Variants in TLE3 observed in about 807,000 individuals in gnomAD.
The protein encoded by TLE3 is TLE family member 3, transcriptional corepressor.
Under a neutral mutation model 93.0 loss-of-function variants are expected in TLE3, and 14 were observed. The observed-to-expected ratio is 0.15, with a 90% CI of 0.10 to 0.24. TLE3 has a LOEUF of 0.24. Among genes scored for constraint, TLE3 ranks in the 10% least tolerant of loss-of-function variants. The pLI, the probability that TLE3 is intolerant of heterozygous loss-of-function variation, is 1.00. For missense variants in TLE3, 693 were observed against 1,046.6 expected (o/e 0.66, Z 4.66); for synonymous variants, 451 against 425.0 (o/e 1.06, Z -0.75).
intron 4 of TLE3, among the ~76,000 whole-genome samples, chr15:70,088,291 A>C (rs1717482156): frequency 6.6e-6 from 1 of 152,242 alleles, no homozygotes; most frequent in Non-Finnish European, 1.5e-5. Flanking sequence ...CTGCCTGCAA[A>C]GGACGATGCT....
At position 70,074,625 on chromosome 15, in the gene TLE3, T is replaced by C. The variant is rs1268653568; in HGVS notation, c.298-18A>G. The C allele has an allele frequency of 1.3e-6, 2 of 1,597,796 alleles. No homozygotes were observed. Among genetic ancestry groups the C allele is most frequent in the African/African-American group, 1.3e-5 (1 of 74,760 alleles). The stretch of plus-strand genomic sequence containing the variant: ...TGCTGGTGCTGGAGGGAAGAGGGTG[T>C]GCGTTAGATGCAGCCACTTTCCTGG... On this transcript the variant is annotated intron_variant, in intron 5 of 19. Transcript: ENST00000451782.
At chr15:70,072,415 AGGGGATG>A (rs2057233045) in intron 6 of TLE3, among the ~76,000 whole-genome samples, 1 of 152,162 alleles carries the variant, frequency 6.6e-6, no homozygotes, top group South Asian at 2.1e-4. Context: ...GATGGTTGAA[AGGGGATG>A]GGGTGAGGAG....
intron 8 of TLE3, 72 bp from the exon 9 acceptor site, chr15:70,060,721 T>C (rs756078523): frequency 6.3e-7 from 1 of 1,589,272 alleles, no homozygotes; most frequent in Non-Finnish European, 8.5e-7. Context: ...CGCACACAGC[T>C]AAGTGCAGGT....
chr15:70,095,558 G>C lies in TLE3; in HGVS notation c.189+20C>G. On this transcript the variant is annotated intron_variant, in intron 3 of 19. Transcript: ENST00000451782. The stretch of plus-strand genomic sequence containing the variant: ...GGGTCGGCGCCCCAACCGCCCCCCA[G>C]GCCCGCGGCCGCATCTCACCATCAC... 6.5e-7 allele frequency: 1 copy of C among 1,549,938 alleles called. No homozygotes were observed.
At chr15:70,079,280 T>C in intron 4 of TLE3, 1 of 450,314 alleles carries the variant, frequency 2.2e-6, no homozygotes, top group Non-Finnish European at 4.4e-6. Context: ...CAGGCTGTCT[T>C]TCCTGAGGCC....
chr15:70,065,465 C>G (rs1393009615), intron 7 of TLE3, among the ~76,000 whole-genome samples: 1 of 152,216 alleles, frequency 6.6e-6, no homozygotes, highest in East Asian at 1.9e-4. Context: ...GCTAACAAAC[C>G]TTTACCTGAG....
chr15:70,095,521 C>T (rs1385617733), intron 3 of TLE3, 57 bp downstream of exon 3: 1 of 1,546,610 alleles, frequency 6.5e-7, no homozygotes, highest in African/African-American at 1.4e-5. Context: ...ATCCACGCCG[C>T]GCCCCCGGCC....
At chr15:70,051,968 A>G (rs111291285) in intron 18 of TLE3, among the ~76,000 whole-genome samples, 1 of 152,284 alleles carries the variant, frequency 6.6e-6, no homozygotes, top group African/African-American at 2.4e-5. Context: ...AGAAAAATCC[A>G]CTAGAGTTCA....
chr15:70,070,389 T>C (rs2057079336), intron 6 of TLE3, among the ~76,000 whole-genome samples: 2 of 152,208 alleles, frequency 1.3e-5, no homozygotes, highest in African/African-American at 4.8e-5. Context: ...CTCAGGTTCA[T>C]GATTTGGGTT....
At chr15:70,051,867 C>T (rs976285869) in intron 18 of TLE3, among the ~76,000 whole-genome samples, 4 of 152,172 alleles carry the variant, frequency 2.6e-5, no homozygotes, top group African/African-American at 9.7e-5. Context: ...GGGCGACCTT[C>T]CTCCAAGCAG....
At chr15:70,063,806 G>A (rs955051112) in intron 8 of TLE3, among the ~76,000 whole-genome samples, 4 of 152,230 alleles carry the variant, frequency 2.6e-5, no homozygotes, top group African/African-American at 7.2e-5. Context: ...TGGCAGACAC[G>A]CAGGCGGCCT....
In TLE3 at chr15:70,051,464, T is replaced by C. The variant is rs764020960; in HGVS notation, c.2129A>G (p.Lys710Arg). 6.2e-7 allele frequency: 1 copy of C among 1,606,288 alleles called. No individual in the cohort carries two copies. Among genetic ancestry groups the C allele is most frequent in the East Asian group, 2.2e-5 (1 of 44,638 alleles). ...ATCTTTCCCAGTGCTCACGAACCACTTGCCTGCAGGTGGGAGGCAAAGGCA... is the reference window on the plus strand; with the variant it reads ...ATCTTTCCCAGTGCTCACGAACCACCTGCCTGCAGGTGGGAGGCAAAGGCA... ...VLSLKFAYCGKWFVSTGKDNL... is the reference protein window; with the variant it reads ...VLSLKFAYCGRWFVSTGKDNL... The change falls in exon 19 of 20, where the codon AAG becomes AGG. Residue 710 changes from lysine (K) to arginine (R), a missense_variant. Lys to Arg is a conservative substitution (Grantham distance 26). Transcript: ENST00000451782.
At chr15:70,089,047 T>C (rs960786507) in intron 4 of TLE3, among the ~76,000 whole-genome samples, 3 of 152,210 alleles carry the variant, frequency 2.0e-5, no homozygotes, top group East Asian at 1.9e-4. Flanking sequence ...ACTTCCCAAG[T>C]GCAGTCCCCG....
chr15:70,065,979 G>GGCCCCCCCC, intron 7 of TLE3, 35 bp downstream of exon 7: 2 of 1,089,100 alleles, frequency 1.8e-6, no homozygotes, highest in Non-Finnish European at 2.8e-6. Context: ...GCCCACCCCT[G>GGCCCCCCCC]CCCCGCCCCA....
Position 70,058,498 on chromosome 15 carries a change from G to T in TLE3, c.918+165C>A. ...TTACAGACGTAGCAACCGAGGCTCA[G>T]AAACGTTAACTCATTAGCACAGGCC... On this transcript the variant is annotated intron_variant, in intron 11 of 19. Coordinates refer to ENST00000451782, the MANE Select transcript of TLE3 (RefSeq NM_001105192.3). The surrounding 1 kb of genome is among the most constrained non-coding windows in gnomAD (Gnocchi z 4.1). 1 of 1,297,156 alleles carries T rather than the reference G, an allele frequency of 7.7e-7. No homozygotes were observed. 80.4% of individuals were successfully genotyped at this position (1,297,156 alleles called of 1,614,324 possible).
In TLE3 at chr15:70,091,268, C is replaced by G. The variant is rs530608323; in HGVS notation, c.234+3264G>C. ...CCAAAATCAAAATGGCTCAAGTCCACTTTCAAAAATGTCAGTGCTCACCAA... is the reference window on the plus strand; with the variant it reads ...CCAAAATCAAAATGGCTCAAGTCCAGTTTCAAAAATGTCAGTGCTCACCAA... On this transcript the variant is annotated intron_variant, in intron 4 of 19. Transcript: ENST00000451782. Among the ~76,000 whole-genome samples, 5 of 152,384 alleles carry G rather than the reference C, an allele frequency of 3.3e-5. No homozygotes were observed. In the East Asian group the frequency reaches 9.6e-4, roughly 29 times the overall value.
At chr15:70,076,188 C>CA (rs1487084005) in intron 4 of TLE3, 30 bp from the exon 5 acceptor site, 11 of 1,610,142 alleles carry the variant, frequency 6.8e-6, no homozygotes, top group African/African-American at 5.3e-5. Context: ...ACATGAAGCT[C>CA]AGGCAAATAA....
intron 3 of TLE3, 120 bp downstream of exon 3, chr15:70,095,458 C>A: frequency 6.5e-7 from 1 of 1,543,476 alleles, no homozygotes; most frequent in Non-Finnish European, 8.7e-7. Flanking sequence ...TGCCCTCTCT[C>A]AGGGCCGCCC....
At chr15:70,093,318 G>T (rs1033975260) in intron 4 of TLE3, among the ~76,000 whole-genome samples, 13 of 152,314 alleles carry the variant, frequency 8.5e-5, no homozygotes, top group Middle Eastern at 3.4e-3. Context: ...GAGGGGAAAG[G>T]AAACTACAGA....
Sources: allele counts gnomAD v4.1 joint callset (sites outside exome capture counted in the v4.1 genomes callset), GRCh38; gene constraint gnomAD v4.1.1; non-coding constraint Gnocchi (gnomAD v3.1); transcripts MANE v1.5; gene names NCBI Gene and HGNC (gene_info 2026-07-23, HGNC 2026-07-21).